COL14A1: variants seen among roughly 807,000 people sequenced by gnomAD.
COL14A1 encodes the protein collagen alpha-1(XIV) chain.
Under a neutral mutation model 230.3 loss-of-function variants are expected in COL14A1, and 136 were observed. That is an observed-to-expected ratio of 0.59 (90% CI 0.51 to 0.68). The LOEUF (loss-of-function observed/expected upper bound fraction) is 0.68. COL14A1 is among the 30% of genes least tolerant of loss of function. The pLI is 0.00. For synonymous variants in COL14A1, 792 were observed against 784.1 expected (o/e 1.01, Z -0.17); for missense variants, 1,976 against 2,215.8 (o/e 0.89, Z 2.17).
Position 120,226,634 on chromosome 8 carries a change from TC to T in COL14A1, c.1874del (p.Pro625GlnfsTer6). On this transcript the variant is annotated frameshift_variant, in exon 16 of 48. Coordinates refer to ENST00000297848, the MANE Select transcript of COL14A1 (RefSeq NM_021110.4). LOFTEE classifies it high-confidence loss of function. ...LTGVFTTEEV[P>X]AQQYLEIDEV... ...TCCTTCCTCGGTTTACAGAGGAAGT[TC>T]CAGCCCAGCAATACTTAGAAATTGA... 1 of 1,612,746 alleles carries T rather than the reference TC, an allele frequency of 6.2e-7. No individual in the cohort carries two copies. Among genetic ancestry groups the T allele is most frequent in the East Asian group, 2.2e-5 (1 of 44,864 alleles).
intron 44 of COL14A1, among the ~76,000 whole-genome samples, chr8:120,344,449 A>C (rs1822423428): frequency 6.6e-6 from 1 of 152,230 alleles, no homozygotes; most frequent in African/African-American, 2.4e-5. Flanking sequence ...ATGATGATGG[A>C]CAGTCCCCAT....
chr8:120,301,149 C>T (rs892535671), intron 36 of COL14A1, among the ~76,000 whole-genome samples: 1 of 152,126 alleles, frequency 6.6e-6, no homozygotes, highest in Non-Finnish European at 1.5e-5. Context: ...AGGACCTTTA[C>T]TTGTACCTGT....
intron 37 of COL14A1, 138 bp downstream of exon 37, chr8:120,310,200 A>G: frequency 1.3e-6 from 1 of 744,616 alleles, no homozygotes; most frequent in Non-Finnish European, 2.1e-6. Flanking sequence ...GTTGTGCCTA[A>G]CCCTTCTTCC....
intron 19 of COL14A1, among the ~76,000 whole-genome samples, chr8:120,233,775 T>G (rs1054356496): frequency 6.6e-6 from 1 of 152,208 alleles, no homozygotes; most frequent in African/African-American, 2.4e-5. Context: ...TTGTTCTTTT[T>G]GCTTAGGATT....
intron 45 of COL14A1, among the ~76,000 whole-genome samples, chr8:120,346,429 T>C (rs1282650806): frequency 6.6e-6 from 1 of 152,192 alleles, no homozygotes; most frequent in Non-Finnish European, 1.5e-5. Flanking sequence ...TTGTAGAACA[T>C]AGACCTGGGG....
intron 5 of COL14A1, among the ~76,000 whole-genome samples, chr8:120,192,680 A>C (rs200467421): frequency 0.34 from 51,072 of 151,206 alleles, 9,325 homozygotes; most frequent in Admixed American, 0.47. Context: ...CTTTCAGGTA[A>C]ACCAATCAGA....
At chr8:120,166,902 GTGTGTGTGTGTGTGTGT>G (rs1815903454) in intron 4 of COL14A1, among the ~76,000 whole-genome samples, 2 of 150,024 alleles carry the variant, frequency 1.3e-5, no homozygotes, top group African/African-American at 5.0e-5. Flanking sequence ...GTGTGTGTGT[GTGTGTGTGTGTGTGTGT>G]GTGGTGGTGA....
intron 45 of COL14A1, among the ~76,000 whole-genome samples, chr8:120,366,849 A>C (rs1385360468): frequency 2.6e-5 from 4 of 152,226 alleles, no homozygotes; most frequent in Non-Finnish European, 2.9e-5. Context: ...TGCCAGCTGC[A>C]TAAGTCCAGT....
In COL14A1 at chr8:120,305,022, G is replaced by A. The variant is rs189168461; in HGVS notation, c.4401+4204G>A. On this transcript the variant is annotated intron_variant, in intron 36 of 47. Transcript: ENST00000297848. ...AGACGGAGTTTTGCTCTTGTTGCCCGGGCTGGAGTGCAATGGCACAATCTC... is the reference window on the plus strand; with the variant it reads ...AGACGGAGTTTTGCTCTTGTTGCCCAGGCTGGAGTGCAATGGCACAATCTC... Among the ~76,000 whole-genome samples the A allele has an allele frequency of 1.2e-3, 185 of 149,340 alleles. 1 individual carries two copies. Among genetic ancestry groups the A allele is most frequent in the East Asian group, 3.9e-4 (2 of 5,084 alleles).
rs565144818 is a variant in COL14A1 at position 120,180,640 on chromosome 8, A to G, written c.436+12393A>G. Among the ~76,000 whole-genome samples, 4 of 150,748 alleles carry G rather than the reference A, an allele frequency of 2.7e-5. No homozygotes were observed. The East Asian group carries it at 7.9e-4, about 30-fold the overall frequency. On this transcript the variant is annotated intron_variant, in intron 5 of 47. Transcript: ENST00000297848. Reference sequence around the variant, plus strand: ...CTACAATGGCAATGAAGTCCCCCCCAGAGTTTCAGGTTCCAGAATTACATA... The same window carrying G: ...CTACAATGGCAATGAAGTCCCCCCCGGAGTTTCAGGTTCCAGAATTACATA...
rs775543009 is a variant in COL14A1 at position 120,280,009 on chromosome 8, G to T, written c.3556G>T (p.Ala1186Ser). ...ELVSIGSKPS[A>S]RHVFFVDDFD... ...GGTTAGCATTGGCAGTAAGCCCAGC[G>T]CACGCCATGTCTTCTTTGTGGATGA... Residue 1186 changes from alanine (A) to serine (S), a missense_variant, in exon 29 of 48, where the codon GCA becomes TCA. Ala to Ser is a moderately conservative substitution (Grantham distance 99). Coordinates refer to ENST00000297848, the MANE Select transcript of COL14A1 (RefSeq NM_021110.4). The T allele has an allele frequency of 6.2e-7, 1 of 1,613,866 alleles. No individual in the cohort carries two copies. Among genetic ancestry groups the T allele is most frequent in the South Asian group, 1.1e-5 (1 of 91,078 alleles).
At chr8:120,259,302 TG>T (rs1487713455) in intron 23 of COL14A1, among the ~76,000 whole-genome samples, 5 of 152,200 alleles carry the variant, frequency 3.3e-5, no homozygotes, top group Non-Finnish European at 7.3e-5. Context: ...TAAGTCAAGC[TG>T]GTGGCGTTAT....
intron 1 of COL14A1, among the ~76,000 whole-genome samples, chr8:120,129,242 G>A (rs1005036409): frequency 3.9e-5 from 6 of 152,182 alleles, no homozygotes; most frequent in Non-Finnish European, 5.9e-5. Flanking sequence ...GAAACAGGAA[G>A]AGCACCTGAC....
At chr8:120,324,217 T>TAA (rs555120162) in intron 40 of COL14A1, among the ~76,000 whole-genome samples, 198 of 145,464 alleles carry the variant, frequency 1.4e-3, no homozygotes, top group Non-Finnish European at 2.4e-3. Flanking sequence ...ACCCTGAACC[T>TAA]AAAAAAAAAA....
intron 1 of COL14A1, among the ~76,000 whole-genome samples, chr8:120,136,464 A>G (rs1814710543): frequency 6.6e-6 from 1 of 152,100 alleles, no homozygotes. Context: ...CCCTGAGGGA[A>G]GAAACATACT....
intron 42 of COL14A1, among the ~76,000 whole-genome samples, chr8:120,340,799 G>A (rs1278408023): frequency 1.3e-5 from 2 of 152,322 alleles, no homozygotes; most frequent in East Asian, 3.9e-4. Flanking sequence ...GGAGAATTGT[G>A]TGGCATCGTG....
At position 120,243,963 on chromosome 8, in the gene COL14A1, T is replaced by G. The variant is rs1818687409; in HGVS notation, c.2434T>G (p.Tyr812Asp). The change falls in exon 20 of 48, where the codon TAC (tyrosine) becomes GAC (aspartate). Residue 812 changes from tyrosine (Y) to aspartate (D), a missense_variant. Physicochemically the swap from Tyr to Asp is radical, Grantham distance 160 (BLOSUM62 -3). Transcript: ENST00000297848. ...ATACAAAGTCACAGTGACTCCCATCTACACGGATGGCGAAGGCGTCAGCGT... is the reference window on the plus strand; with the variant it reads ...ATACAAAGTCACAGTGACTCCCATCGACACGGATGGCGAAGGCGTCAGCGT... The part of the protein sequence containing the change: ...TEYKVTVTPI[Y>D]TDGEGVSVSA... 1 of 1,613,558 alleles carries G rather than the reference T, an allele frequency of 6.2e-7. No individual in the cohort carries two copies. Among genetic ancestry groups the G allele is most frequent in the African/African-American group, 1.3e-5 (1 of 74,926 alleles).
chr8:120,222,368 C>A (rs1368891707), intron 14 of COL14A1, among the ~76,000 whole-genome samples: 4 of 152,162 alleles, frequency 2.6e-5, no homozygotes, highest in African/African-American at 9.7e-5. Flanking sequence ...TAAAATACAG[C>A]CTAGGAGCAT....
Position 120,162,468 on chromosome 8 carries a change from A to C in COL14A1, c.248A>C (p.Lys83Thr), listed in dbSNP as rs753217873. ...NQLNLQNTAT[K>T]AIIQGLMPDQ... The stretch of plus-strand genomic sequence containing the variant: ...CTGAATCTGCAGAACACTGCAACTA[A>C]AGCAATTATTCAAGGCCTTATGCCA... The change falls in exon 4 of 48, where the codon AAA becomes ACA. Residue 83 changes from lysine (K) to threonine (T), a missense_variant. By Grantham distance (78) the Lys-to-Thr change is moderately conservative. Around this residue, in one of 3 missense-constraint regions of COL14A1, gnomAD observed 181 missense variants for 178.6 expected, o/e 1.01. Transcript: ENST00000297848. 4.3e-6 allele frequency: 7 copies of C among 1,612,338 alleles called. No homozygotes were observed. The highest frequency in any genetic ancestry group is 5.9e-6 in the Non-Finnish European group (7 of 1,179,360).
Sources: gnomAD v4.1 joint callset for allele counts (sites outside exome capture counted in the v4.1 genomes callset) on GRCh38, gnomAD v4.1.1 for gene constraint, gnomAD v4.1.1 regional missense constraint, MANE v1.5 for transcripts, NCBI Gene and HGNC (gene_info 2026-07-23, HGNC 2026-07-21) for gene names.